ATP8B4: variants seen among roughly 807,000 people sequenced by gnomAD.
ATP8B4 encodes the protein ATPase phospholipid transporting 8B4 (putative), also known as probable phospholipid-transporting ATPase IM.
ATP8B4 carries 133 observed loss-of-function variants against 145.6 expected under a neutral mutation model. The ratio of observed to expected loss-of-function variants is 0.91; its 90% confidence interval spans 0.79 to 1.05. ATP8B4 has a LOEUF of 1.05. Among genes scored for constraint, ATP8B4 ranks in the 50% least tolerant of loss-of-function variants. ATP8B4 has a pLI of 0.00. For synonymous variants in ATP8B4, 507 were observed against 492.9 expected (o/e 1.03, Z -0.38); for missense variants, 1,458 against 1,425.2 (o/e 1.02, Z -0.37).
At chr15:49,983,467 C>T (rs2046327597) in intron 10 of ATP8B4, among the ~76,000 whole-genome samples, 1 of 152,172 alleles carries the variant, frequency 6.6e-6, no homozygotes, top group Non-Finnish European at 1.5e-5. Context: ...TAAAAGCCTT[C>T]TGAATTTATC....
At chr15:49,973,908 T>A (rs1054148562) in intron 12 of ATP8B4, among the ~76,000 whole-genome samples, 4 of 152,160 alleles carry the variant, frequency 2.6e-5, no homozygotes, top group Non-Finnish European at 5.9e-5. Context: ...TTTTTTCAAA[T>A]TTTATTGGCC....
At chr15:50,023,016 A>G (rs911784315) in intron 6 of ATP8B4, among the ~76,000 whole-genome samples, 6 of 152,092 alleles carry the variant, frequency 3.9e-5, no homozygotes, top group Admixed American at 3.9e-4. Context: ...GGAAGATGAA[A>G]ACTTTCTGCC....
chr15:49,881,829 A>G (rs2035469089), intron 23 of ATP8B4, among the ~76,000 whole-genome samples: 1 of 152,252 alleles, frequency 6.6e-6, no homozygotes, highest in Non-Finnish European at 1.5e-5. Context: ...AGTTGAGAAA[A>G]AAACAAATGC....
chr15:49,923,761 T>A (rs1599166701), intron 16 of ATP8B4, among the ~76,000 whole-genome samples: 1 of 152,290 alleles, frequency 6.6e-6, no homozygotes, highest in Non-Finnish European at 1.5e-5. Flanking sequence ...GACCTTCCTG[T>A]TTTCCTTGCT....
rs1445225681 is a variant in ATP8B4, at chr15:49,876,330, T to C, written c.2975A>G (p.Gln992Arg). The C allele has an allele frequency of 1.2e-6, 2 of 1,614,144 alleles. No individual in the cohort carries two copies. The highest frequency in any genetic ancestry group is 8.5e-7 in the Non-Finnish European group (1 of 1,179,990). Residue 992 changes from glutamine to arginine, a missense_variant, in exon 25 of 28, where the codon CAG (glutamine) becomes CGG (arginine). Coordinates refer to ENST00000284509, the MANE Select transcript of ATP8B4 (RefSeq NM_024837.4). Reference protein sequence around the residue: ...GEDGQHIADYQSFAVTMATSL... With the variant: ...GEDGQHIADYRSFAVTMATSL... ...TGTGGCCATGGTAACTGCAAAGGACTGGTAGTCAGCAATATGTTGCCCATC... is the reference window on the plus strand; with the variant it reads ...TGTGGCCATGGTAACTGCAAAGGACCGGTAGTCAGCAATATGTTGCCCATC...
chr15:49,985,361 G>A lies in ATP8B4; in HGVS notation c.748+2030C>T, dbSNP rs562674485. 2.0e-5 allele frequency among the ~76,000 whole-genome samples: 3 copies of A among 152,280 alleles called. No individual in the cohort carries two copies. The South Asian group carries it at 6.2e-4, about 32-fold the overall frequency. Reference sequence around the variant, plus strand: ...TCCACCCGCCTCAGCCTCCCAAAGTGCTGGGATTACAGGCGTGAGCCACCG... The same window carrying A: ...TCCACCCGCCTCAGCCTCCCAAAGTACTGGGATTACAGGCGTGAGCCACCG... On this transcript the variant is annotated intron_variant, in intron 10 of 27. Transcript: ENST00000284509.
At chr15:50,014,187 G>T (rs899068966) in intron 6 of ATP8B4, among the ~76,000 whole-genome samples, 1 of 152,132 alleles carries the variant, frequency 6.6e-6, no homozygotes, top group East Asian at 1.9e-4. Context: ...GTACTAGAGA[G>T]AGTAGATAAT....
At chr15:50,125,235 C>T (rs1051009260) in intron 1 of ATP8B4, among the ~76,000 whole-genome samples, 15 of 152,108 alleles carry the variant, frequency 9.9e-5, no homozygotes, top group African/African-American at 3.4e-4. Flanking sequence ...TCTCCAAGAC[C>T]CAAGGAGCAG....
At chr15:50,130,488 G>A (rs1163932775) in intron 1 of ATP8B4, among the ~76,000 whole-genome samples, 1 of 152,084 alleles carries the variant, frequency 6.6e-6, no homozygotes, top group Admixed American at 6.6e-5. Context: ...TAAAAAATAA[G>A]AGTCTTGGCT....
At chr15:50,162,798 G>A (rs1457726986) in intron 1 of ATP8B4, among the ~76,000 whole-genome samples, 7 of 152,262 alleles carry the variant, frequency 4.6e-5, no homozygotes, top group Non-Finnish European at 7.4e-5. Context: ...GAGCCACCGC[G>A]CCCGGCCTCT....
At chr15:50,037,601 C>T (rs2050936572) in intron 6 of ATP8B4, among the ~76,000 whole-genome samples, 1 of 152,208 alleles carries the variant, frequency 6.6e-6, no homozygotes, top group Admixed American at 6.5e-5. Context: ...AAAACTCATA[C>T]TTAAGTCTCT....
intron 8 of ATP8B4, among the ~76,000 whole-genome samples, chr15:50,000,730 T>C (rs2047817850): frequency 6.6e-6 from 1 of 152,160 alleles, no homozygotes; most frequent in South Asian, 2.1e-4. Flanking sequence ...ATCAAAGTTT[T>C]CCTTTTATGG....
At chr15:50,095,633 T>G (rs1360982208) in intron 2 of ATP8B4, among the ~76,000 whole-genome samples, 1 of 152,076 alleles carries the variant, frequency 6.6e-6, no homozygotes, top group African/African-American at 2.4e-5. Context: ...GGCACAGTTG[T>G]AGATGTGGCT....
chr15:49,956,159 G>C (rs1247327815), intron 14 of ATP8B4, among the ~76,000 whole-genome samples: 1 of 152,260 alleles, frequency 6.6e-6, no homozygotes, highest in Middle Eastern at 3.4e-3. Flanking sequence ...TATTATCCCT[G>C]TAATAATGTC....
At chr15:49,967,005 C>A (rs888510358) in intron 13 of ATP8B4, among the ~76,000 whole-genome samples, 2 of 152,158 alleles carry the variant, frequency 1.3e-5, no homozygotes, top group Non-Finnish European at 2.9e-5. Context: ...CCAGCAAACT[C>A]CAGCAGACCT....
chr15:50,153,891 A>G (rs2044380198), intron 1 of ATP8B4, among the ~76,000 whole-genome samples: 1 of 152,208 alleles, frequency 6.6e-6, no homozygotes, highest in African/African-American at 2.4e-5. Flanking sequence ...CAGAGTTTAG[A>G]ATTAAAAATC....
chr15:50,175,424 C>T (rs8037521), intron 1 of ATP8B4, among the ~76,000 whole-genome samples: 13,734 of 151,966 alleles, frequency 0.09, 831 homozygotes, highest in African/African-American at 0.16. Context: ...GAATCTACAA[C>T]GAACTCTAAC....
chr15:50,089,843 C>T lies in ATP8B4; in HGVS notation c.29-15658G>A, dbSNP rs139520647. ...CCTACGGGCAGAAATACCATTTGCC[C>T]CAGCAATCCCATTACTAGGTATATA... On this transcript the variant is annotated intron_variant, in intron 2 of 27. Coordinates refer to ENST00000284509, the MANE Select transcript of ATP8B4 (RefSeq NM_024837.4). Among the ~76,000 whole-genome samples the T allele has an allele frequency of 5.7e-4, 86 of 152,002 alleles. 2 individuals are homozygous for T. The East Asian group carries it at 0.016, about 29-fold the overall frequency.
At chr15:50,005,416 G>A (rs1396675968) in intron 7 of ATP8B4, among the ~76,000 whole-genome samples, 1 of 152,168 alleles carries the variant, frequency 6.6e-6, no homozygotes, top group African/African-American at 2.4e-5. Context: ...AATTCTTTAA[G>A]GATTTATAAA....
Sources: gnomAD v4.1 joint callset for allele counts (sites outside exome capture counted in the v4.1 genomes callset) on GRCh38, gnomAD v4.1.1 for gene constraint, MANE v1.5 for transcripts, NCBI Gene and HGNC (gene_info 2026-07-23, HGNC 2026-07-21) for gene names.